ANLN: variants seen among roughly 807,000 people sequenced by gnomAD.
ANLN encodes anillin, actin binding protein.
A neutral mutation model predicts 135.1 loss-of-function variants in ANLN; 59 were observed. That is an observed-to-expected ratio of 0.44 (90% CI 0.35 to 0.54). The LOEUF is 0.54. Ranked by LOEUF, ANLN falls within the 20% of genes least tolerant of loss-of-function variation. The pLI is 0.00. For missense variants in ANLN, 1,182 were observed against 1,340.0 expected (o/e 0.88, Z 1.84); for synonymous variants, 406 against 456.4 (o/e 0.89, Z 1.41).
chr7:36,424,600 T>TGATA lies in ANLN; in HGVS notation c.2652+8_2652+11dup. On this transcript the variant is annotated splice_region_variant and intron_variant, in intron 16 of 23. Coordinates refer to ENST00000265748, the MANE Select transcript of ANLN (RefSeq NM_018685.5). ...TATTGAAGTTTACAGCTTGGTAAGCTGATAAAGCCTTCTAAAATAATGAAG... is the reference window on the plus strand; with the variant it reads ...TATTGAAGTTTACAGCTTGGTAAGCTGATAGATAAAGCCTTCTAAAATAATGAAG... The TGATA allele has an allele frequency of 6.3e-7, 1 of 1,598,980 alleles. No individual in the cohort carries two copies. The highest frequency in any genetic ancestry group is 2.2e-5 in the East Asian group (1 of 44,536).
intron 2 of ANLN, 112 bp downstream of exon 2, chr7:36,396,531 G>GT (rs1786707881): frequency 9.7e-7 from 1 of 1,034,126 alleles, no homozygotes. Flanking sequence ...GGAGACAAAT[G>GT]TAACAGCCTC....
intron 5 of ANLN, among the ~76,000 whole-genome samples, chr7:36,408,357 G>C (rs960202891): frequency 6.6e-6 from 1 of 151,944 alleles, no homozygotes; most frequent in African/African-American, 2.4e-5. Flanking sequence ...AATAGCAGAG[G>C]GAAGTGAATG....
At chr7:36,451,207 C>G (rs1375262525) in intron 23 of ANLN, among the ~76,000 whole-genome samples, 4 of 152,162 alleles carry the variant, frequency 2.6e-5, no homozygotes, top group South Asian at 4.2e-4. Flanking sequence ...GGGCCTTGGG[C>G]CTTTTGGACT....
chr7:36,425,996 CCTT>C lies in ANLN; in HGVS notation c.2749-18_2749-16del, dbSNP rs756566939. The C allele has an allele frequency of 2.1e-6, 3 of 1,458,088 alleles. No individual in the cohort carries two copies. Among genetic ancestry groups the C allele is most frequent in the African/African-American group, 1.5e-5 (1 of 67,988 alleles). 90.3% of individuals were successfully genotyped at this position (1,458,088 alleles called of 1,614,324 possible). On this transcript the variant is annotated splice_polypyrimidine_tract_variant and intron_variant, in intron 18 of 23. Transcript: ENST00000265748. The stretch of plus-strand genomic sequence containing the variant: ...AAATAACTTATGTTTCTTCTTCACA[CCTT>C]TTTTTTTTTTTTTAGAAAAGCAACA...
chr7:36,434,006 G>A (rs1364483186), intron 20 of ANLN, among the ~76,000 whole-genome samples: 2 of 152,026 alleles, frequency 1.3e-5, no homozygotes, highest in East Asian at 3.9e-4. Context: ...CTGTGGATCT[G>A]CTATTGACAG....
chr7:36,416,342 C>T (rs1787642388), intron 8 of ANLN, among the ~76,000 whole-genome samples: 1 of 152,126 alleles, frequency 6.6e-6, no homozygotes, highest in South Asian at 2.1e-4. Context: ...ATGTAAGATC[C>T]TGTGATCTGT....
At chr7:36,420,530 T>C in intron 11 of ANLN, 67 bp from the exon 12 acceptor site, 5 of 1,390,350 alleles carry the variant, frequency 3.6e-6, no homozygotes, top group Non-Finnish European at 5.0e-6. Flanking sequence ...TCTGCTGATA[T>C]GTTCAATAAA....
chr7:36,398,838 T>A (rs1786814636), intron 2 of ANLN, among the ~76,000 whole-genome samples: 1 of 151,698 alleles, frequency 6.6e-6, no homozygotes, highest in Non-Finnish European at 1.5e-5. Context: ...ACAGCTTAGC[T>A]CTAAATATCT....
At chr7:36,417,003 AACAC>A (rs997202237) in intron 8 of ANLN, 73 bp from the exon 9 acceptor site, 85 of 725,074 alleles carry the variant, frequency 1.2e-4, no homozygotes, top group African/African-American at 1.3e-4. Context: ...AGAAAAAAAA[AACAC>A]ACACAAGATT....
At chr7:36,428,342 C>G (rs1788171288) in intron 20 of ANLN, 1 of 1,283,534 alleles carries the variant, frequency 7.8e-7, no homozygotes, top group Non-Finnish European at 1.0e-6. Flanking sequence ...AGCTACTGGG[C>G]TATTTGTTCC....
intron 1 of ANLN, among the ~76,000 whole-genome samples, chr7:36,393,370 C>T (rs1269948720): frequency 3.3e-5 from 5 of 152,192 alleles, no homozygotes; most frequent in Non-Finnish European, 5.9e-5. Context: ...GCCATCCTGA[C>T]AGGCTGGGAA....
At chr7:36,399,937 A>G (rs569831806) in intron 3 of ANLN, among the ~76,000 whole-genome samples, 126 of 152,270 alleles carry the variant, frequency 8.3e-4, no homozygotes, top group African/African-American at 2.8e-3. Context: ...CAGTTATGCA[A>G]CAGGGTTATT....
chr7:36,443,271 TGATCA>T (rs1205574184), intron 21 of ANLN, among the ~76,000 whole-genome samples: 1 of 152,258 alleles, frequency 6.6e-6, no homozygotes. Context: ...CCAAGGCTTA[TGATCA>T]TAAGTTAACT....
intron 7 of ANLN, among the ~76,000 whole-genome samples, chr7:36,413,949 G>A (rs1214083272): frequency 2.6e-5 from 4 of 151,666 alleles, no homozygotes; most frequent in Admixed American, 6.6e-5. Context: ...AGCCGAGATC[G>A]CACCACTGCA....
chr7:36,406,231 G>C lies in ANLN; in HGVS notation c.538G>C (p.Ala180Pro). The C allele has an allele frequency of 1.2e-6, 2 of 1,613,230 alleles. No individual in the cohort carries two copies. The highest frequency in any genetic ancestry group is 1.7e-6 in the Non-Finnish European group (2 of 1,179,204). Residue 180 changes from alanine to proline, a missense_variant, in exon 4 of 24, where the codon GCT (alanine) becomes CCT (proline). Transcript: ENST00000265748. The stretch of plus-strand genomic sequence containing the variant: ...CTCACCAATGCCATCAGAGGAAAAG[G>C]CTGCTTCCCCTCCCAGACCTCTGCT... ...LFSPMPSEEK[A>P]ASPPRPLLSN...
chr7:36,423,179 T>A (rs997832102), intron 14 of ANLN, among the ~76,000 whole-genome samples: 4 of 152,140 alleles, frequency 2.6e-5, no homozygotes, highest in African/African-American at 9.7e-5. Context: ...TTTTAAAAAA[T>A]TTCTTTTTGA....
At chr7:36,401,538 C>G (rs1786948459) in intron 3 of ANLN, among the ~76,000 whole-genome samples, 1 of 151,292 alleles carries the variant, frequency 6.6e-6, no homozygotes, top group African/African-American at 2.4e-5. Context: ...GAGGTTTCAC[C>G]ATGTTGTCCA....
At chr7:36,396,566 C>G (rs545911850) in intron 2 of ANLN, 147 bp downstream of exon 2, 10 of 713,590 alleles carry the variant, frequency 1.4e-5, no homozygotes, top group Non-Finnish European at 2.1e-5. Flanking sequence ...GCCTTCTATT[C>G]TATTTCAGAG....
intron 14 of ANLN, 66 bp from the exon 15 acceptor site, chr7:36,423,751 C>G: frequency 7.1e-7 from 1 of 1,412,682 alleles, no homozygotes; most frequent in Non-Finnish European, 9.5e-7. Context: ...TTTGGTATTC[C>G]AGAATGCTGA....
Sources: gnomAD v4.1 joint callset for allele counts (sites outside exome capture counted in the v4.1 genomes callset) on GRCh38, gnomAD v4.1.1 for gene constraint, MANE v1.5 for transcripts, NCBI Gene and HGNC (gene_info 2026-07-23, HGNC 2026-07-21) for gene names.